Variants in ELP4 observed in about 807,000 individuals in gnomAD.
ELP4 encodes elongator complex protein 4.
ELP4 carries 51 observed loss-of-function variants against 48.9 expected under a neutral mutation model. The ratio of observed to expected loss-of-function variants is 1.04; its 90% CI spans 0.83 to 1.32. ELP4 has a LOEUF of 1.32. ELP4 is among the 40% of genes most tolerant of loss of function. The pLI is 0.00. For synonymous variants in ELP4, 210 were observed against 189.2 expected (o/e 1.11, Z -0.90); for missense variants, 519 against 514.6 (o/e 1.01, Z -0.08).
rs187958706 is a variant in ELP4, at chr11:31,647,461, A to G, written c.928-280A>G. The G allele has an allele frequency of 3.7e-3, 975 of 260,882 alleles. 3 individuals carry two copies. The highest frequency in any genetic ancestry group is 6.1e-3 in the Non-Finnish European group (828 of 136,380). The allele number at this position is 260,882 out of a possible 1,614,324, so 16.2% of individuals were successfully genotyped here. On this transcript the variant is annotated intron_variant, in intron 7 of 9. Coordinates refer to ENST00000640961, the MANE Select transcript of ELP4 (RefSeq NM_019040.5). ...AATACAAGTGAAAAATAATCAATTTATGTTCTCTATCAGAACTAATAAATT... is the reference window on the plus strand; with the variant it reads ...AATACAAGTGAAAAATAATCAATTTGTGTTCTCTATCAGAACTAATAAATT...
intron 9 of ELP4, among the ~76,000 whole-genome samples, chr11:31,672,066 C>A (rs1360987308): frequency 1.3e-5 from 2 of 152,016 alleles, no homozygotes; most frequent in Admixed American, 1.3e-4. Context: ...GGGGCTGGGG[C>A]AGCAAGGCTG....
In ELP4 at chr11:31,571,977, A is replaced by G. The variant is rs536639494; in HGVS notation, c.382-22793A>G. Among the ~76,000 whole-genome samples the G allele has an allele frequency of 4.6e-5, 7 of 152,320 alleles. No individual in the cohort carries two copies. In the East Asian group the frequency reaches 1.2e-3, roughly 25 times the overall value. On this transcript the variant is annotated intron_variant, in intron 3 of 9. Coordinates refer to ENST00000640961, the MANE Select transcript of ELP4 (RefSeq NM_019040.5). ...TAGGATTTTGGAATGATAAGTGAGT[A>G]TTGGCTTCAACTTACAGTCATCAAC...
At chr11:31,682,979 T>C (rs1294274052) in intron 9 of ELP4, among the ~76,000 whole-genome samples, 1 of 152,170 alleles carries the variant, frequency 6.6e-6, no homozygotes, top group Non-Finnish European at 1.5e-5. Flanking sequence ...ATTTCACCCA[T>C]AGTGCCAAAA....
intron 3 of ELP4, among the ~76,000 whole-genome samples, chr11:31,570,617 A>C (rs1016434195): frequency 2.0e-5 from 3 of 150,540 alleles, no homozygotes; most frequent in Non-Finnish European, 4.4e-5. Context: ...ACAGGCACCC[A>C]CCACCACACC....
intron 9 of ELP4, among the ~76,000 whole-genome samples, chr11:31,666,414 C>T (rs1945676306): frequency 6.6e-6 from 1 of 152,136 alleles, no homozygotes; most frequent in South Asian, 2.1e-4. Context: ...CTTTTGTAGG[C>T]TGGGTGCAGT....
intron 9 of ELP4, among the ~76,000 whole-genome samples, chr11:31,744,938 G>A (rs1379423739): frequency 6.6e-6 from 1 of 152,234 alleles, no homozygotes; most frequent in Non-Finnish European, 1.5e-5. Flanking sequence ...TAGGAAAAGA[G>A]GAAGTCAAAT....
At chr11:31,606,257 A>C (rs1479684611) in intron 5 of ELP4, among the ~76,000 whole-genome samples, 1 of 152,088 alleles carries the variant, frequency 6.6e-6, no homozygotes. Context: ...TGGGTACTTT[A>C]CCATGTGAGA....
At chr11:31,678,855 C>G (rs1341796734) in intron 9 of ELP4, among the ~76,000 whole-genome samples, 1 of 152,130 alleles carries the variant, frequency 6.6e-6, no homozygotes, top group Non-Finnish European at 1.5e-5. Flanking sequence ...AGTAGCTACA[C>G]CATTTTAAAT....
In ELP4 at chr11:31,789,324, T is replaced by A. The variant is rs1949044892; in HGVS notation, c.*5800T>A. 1 of 246,778 alleles carries A rather than the reference T, an allele frequency of 4.1e-6. No homozygotes were observed. Among genetic ancestry groups the A allele is most frequent in the African/African-American group, 2.2e-5 (1 of 45,662 alleles). The allele number at this position is 246,778 out of a possible 1,614,324, so 15.3% of individuals were successfully genotyped here. ...CACACTCTACCTTTTAGCTATCAACTTTTTTTCTTCCTTGAATTTATATCT... is the reference window on the plus strand; with the variant it reads ...CACACTCTACCTTTTAGCTATCAACATTTTTTCTTCCTTGAATTTATATCT... On this transcript the variant is annotated 3_prime_UTR_variant, in exon 10 of 10. Coordinates refer to ENST00000640961, the MANE Select transcript of ELP4 (RefSeq NM_019040.5).
intron 8 of ELP4, chr11:31,648,215 A>G (rs1415226163): frequency 6.4e-6 from 1 of 157,456 alleles, no homozygotes. Flanking sequence ...TACTTTACAA[A>G]GCCTAGCCAT....
Position 31,551,090 on chromosome 11 carries a change from T to C in ELP4, c.381+11307T>C, listed in dbSNP as rs75369633. On this transcript the variant is annotated intron_variant, in intron 3 of 9. Transcript: ENST00000640961. ...AAGCTCTGCTCTTTGCAACTGATTT[T>C]GGCATAGCAGTTTTGGAACCCATAG... Among the ~76,000 whole-genome samples the C allele has an allele frequency of 5.9e-5, 9 of 152,338 alleles. No individual in the cohort carries two copies. In the East Asian group the frequency reaches 1.3e-3, roughly 23 times the overall value.
chr11:31,750,089 C>T (rs544733021), intron 9 of ELP4, among the ~76,000 whole-genome samples: 10 of 151,752 alleles, frequency 6.6e-5, no homozygotes, highest in African/African-American at 2.2e-4. Context: ...TGGTCTCAAT[C>T]TTCTGACCTT....
At chr11:31,650,517 AT>A (rs772067063) in intron 9 of ELP4, 57 of 247,782 alleles carry the variant, frequency 2.3e-4, no homozygotes, top group Non-Finnish European at 4.0e-4. Context: ...TTTGAAAAGC[AT>A]ATTTAATTAA....
At chr11:31,649,169 A>T (rs1340877917) in intron 8 of ELP4, 2 of 151,684 alleles carry the variant, frequency 1.3e-5, no homozygotes, top group East Asian at 3.9e-4. Flanking sequence ...TTAAGCTAAG[A>T]CTAATAGATG....
At chr11:31,749,182 C>A (rs1947663872) in intron 9 of ELP4, among the ~76,000 whole-genome samples, 1 of 151,996 alleles carries the variant, frequency 6.6e-6, no homozygotes. Context: ...GTGTGATATG[C>A]TAAAAAACAG....
intron 4 of ELP4, among the ~76,000 whole-genome samples, chr11:31,600,918 A>G (rs1234014195): frequency 6.6e-6 from 1 of 152,120 alleles, no homozygotes; most frequent in Non-Finnish European, 1.5e-5. Flanking sequence ...CTGTACCCCC[A>G]TCAAAGTTCA....
In ELP4 at chr11:31,757,647, T is replaced by G. The variant is rs771067425; in HGVS notation, c.1144-25746T>G. Among the ~76,000 whole-genome samples, 5 of 152,322 alleles carry G rather than the reference T, an allele frequency of 3.3e-5. No homozygotes were observed. In the East Asian group the frequency reaches 9.7e-4, roughly 29 times the overall value. On this transcript the variant is annotated intron_variant, in intron 9 of 9. Coordinates refer to ENST00000640961, the MANE Select transcript of ELP4 (RefSeq NM_019040.5). Reference sequence around the variant, plus strand: ...CATTTTCTGAAGTTGAAAACACTTATGCATGTGCTCACATGCACACTAAAC... The same window carrying G: ...CATTTTCTGAAGTTGAAAACACTTAGGCATGTGCTCACATGCACACTAAAC...
At chr11:31,563,931 AT>A (rs1957062889) in intron 3 of ELP4, among the ~76,000 whole-genome samples, 1 of 152,214 alleles carries the variant, frequency 6.6e-6, no homozygotes, top group African/African-American at 2.4e-5. Context: ...GGAGGATGTT[AT>A]CTGTGATTGA....
intron 9 of ELP4, among the ~76,000 whole-genome samples, chr11:31,697,618 T>C (rs1281678868): frequency 6.6e-6 from 1 of 152,164 alleles, no homozygotes; most frequent in African/African-American, 2.4e-5. Context: ...CTTTATTTCT[T>C]GATTTTATCC....
Sources: allele counts gnomAD v4.1 joint callset (sites outside exome capture counted in the v4.1 genomes callset), GRCh38; gene constraint gnomAD v4.1.1; transcripts MANE v1.5; gene names NCBI Gene and HGNC (gene_info 2026-07-23, HGNC 2026-07-21).